NAALADL2: variants seen among roughly 807,000 people sequenced by gnomAD.
NAALADL2 encodes inactive N-acetylated-alpha-linked acidic dipeptidase-like protein 2.
A neutral mutation model predicts 87.2 loss-of-function variants in NAALADL2; 76 were observed. The observed-to-expected ratio is 0.87, with a 90% confidence interval of 0.72 to 1.05. NAALADL2 has a LOEUF of 1.05. NAALADL2 is among the 50% of genes least tolerant of loss of function. The pLI is 0.00. For missense variants in NAALADL2, 1,089 were observed against 945.8 expected (o/e 1.15, Z -1.99); for synonymous variants, 354 against 331.0 (o/e 1.07, Z -0.75).
At chr3:175,761,429 G>A (rs62286125) in intron 13 of NAALADL2, among the ~76,000 whole-genome samples, 15,566 of 152,160 alleles carry the variant, frequency 0.1, 817 homozygotes, top group African/African-American at 0.15. Context: ...TTGCTTTCAA[G>A]TTTTGGCAGT....
chr3:175,524,581 T>C (rs1733127290), intron 9 of NAALADL2, among the ~76,000 whole-genome samples: 1 of 152,148 alleles, frequency 6.6e-6, no homozygotes, highest in Non-Finnish European at 1.5e-5. Context: ...AATTCTGTAA[T>C]ATCAACACCA....
At chr3:175,727,608 T>G (rs1431717774) in intron 11 of NAALADL2, among the ~76,000 whole-genome samples, 1 of 152,342 alleles carries the variant, frequency 6.6e-6, no homozygotes, top group African/African-American at 2.4e-5. Context: ...TAGTCTTCAT[T>G]TGAGACTACC....
chr3:174,563,999 G>A (rs1017589346), intron 2 of NAALADL2, among the ~76,000 whole-genome samples: 6 of 152,226 alleles, frequency 3.9e-5, no homozygotes, highest in Admixed American at 3.9e-4. Context: ...TCTGTCTAAA[G>A]CACAGGGAAA....
intron 11 of NAALADL2, among the ~76,000 whole-genome samples, chr3:175,672,388 C>T (rs1734120558): frequency 6.6e-6 from 1 of 152,084 alleles, no homozygotes; most frequent in African/African-American, 2.4e-5. Context: ...ATCCTCTTAT[C>T]CTGTGGATGC....
chr3:175,348,656 G>A (rs545228870), intron 5 of NAALADL2, among the ~76,000 whole-genome samples: 1 of 152,194 alleles, frequency 6.6e-6, no homozygotes, highest in South Asian at 2.1e-4. Context: ...TCTCCCCATG[G>A]CTGTGTTCCT....
intron 3 of NAALADL2, among the ~76,000 whole-genome samples, chr3:174,817,206 A>G (rs924052438): frequency 1.3e-5 from 2 of 152,210 alleles, no homozygotes; most frequent in Non-Finnish European, 2.9e-5. Context: ...CACAATCTTA[A>G]TAATGTCTTT....
chr3:175,155,667 A>G (rs1417822419), intron 2 of NAALADL2, among the ~76,000 whole-genome samples: 1 of 152,122 alleles, frequency 6.6e-6, no homozygotes, highest in Non-Finnish European at 1.5e-5. Flanking sequence ...GTTTTAATAA[A>G]TAGTTTATAT....
At chr3:175,307,354 C>G (rs2110273075) in intron 4 of NAALADL2, among the ~76,000 whole-genome samples, 1 of 152,182 alleles carries the variant, frequency 6.6e-6, no homozygotes, top group East Asian at 1.9e-4. Flanking sequence ...AATAGTATTT[C>G]TATACCTGTT....
chr3:174,759,420 G>C (rs934279575), intron 3 of NAALADL2, among the ~76,000 whole-genome samples: 2 of 152,072 alleles, frequency 1.3e-5, no homozygotes, highest in African/African-American at 2.4e-5. Context: ...ATTTGAACAT[G>C]GTGCATTGCC....
chr3:175,647,436 A>T (rs914025406), intron 11 of NAALADL2, among the ~76,000 whole-genome samples: 2 of 152,156 alleles, frequency 1.3e-5, no homozygotes, highest in Non-Finnish European at 2.9e-5. Flanking sequence ...ATATAGAAGC[A>T]TATAATCTTC....
chr3:175,693,498 T>C (rs988498473), intron 11 of NAALADL2, among the ~76,000 whole-genome samples: 1 of 152,146 alleles, frequency 6.6e-6, no homozygotes, highest in Non-Finnish European at 1.5e-5. Context: ...TCTCTTTAGG[T>C]AAAGTTAAAT....
chr3:174,613,615 G>A (rs1355642119), intron 2 of NAALADL2, among the ~76,000 whole-genome samples: 2 of 152,178 alleles, frequency 1.3e-5, no homozygotes, highest in African/African-American at 4.8e-5. Context: ...GTTCCCTGAA[G>A]TCCCTGGGGC....
At chr3:174,788,516 T>C (rs1418694286) in intron 3 of NAALADL2, among the ~76,000 whole-genome samples, 1 of 152,184 alleles carries the variant, frequency 6.6e-6, no homozygotes, top group African/African-American at 2.4e-5. Context: ...CTTCTTGCTG[T>C]GTCCTCACAT....
At chr3:174,499,159 C>A (rs1202792572) in intron 1 of NAALADL2, among the ~76,000 whole-genome samples, 1 of 152,046 alleles carries the variant, frequency 6.6e-6, no homozygotes, top group Non-Finnish European at 1.5e-5. Flanking sequence ...TAGGCATTCA[C>A]TGAGGATCTT....
chr3:175,316,782 T>C (rs1352831830), intron 4 of NAALADL2, among the ~76,000 whole-genome samples: 1 of 152,208 alleles, frequency 6.6e-6, no homozygotes, highest in Non-Finnish European at 1.5e-5. Flanking sequence ...CTCAGCATGT[T>C]CAAAATGTAG....
intron 2 of NAALADL2, among the ~76,000 whole-genome samples, chr3:175,147,304 A>G (rs573365724): frequency 1.1e-4 from 16 of 151,954 alleles, no homozygotes; most frequent in South Asian, 2.1e-4. Context: ...TCCATACCCA[A>G]TATTTAGCTC....
intron 10 of NAALADL2, among the ~76,000 whole-genome samples, chr3:175,622,577 A>T (rs1027173554): frequency 1.3e-5 from 2 of 152,072 alleles, no homozygotes; most frequent in African/African-American, 2.4e-5. Context: ...GACGACGAAG[A>T]TGTGAATTCC....
chr3:174,871,312 TAGTC>T (rs1452161788), intron 1 of NAALADL2, among the ~76,000 whole-genome samples: 3 of 152,224 alleles, frequency 2.0e-5, no homozygotes, highest in Non-Finnish European at 4.4e-5. Context: ...AACTTTGACT[TAGTC>T]AATAATTCTA....
intron 3 of NAALADL2, among the ~76,000 whole-genome samples, chr3:174,761,252 T>G (rs1036458904): frequency 6.6e-6 from 1 of 152,220 alleles, no homozygotes; most frequent in African/African-American, 2.4e-5. Flanking sequence ...GCAATTTTCA[T>G]GGAACCCCTA....
Sources: gnomAD v4.1 joint callset for allele counts (sites outside exome capture counted in the v4.1 genomes callset) on GRCh38, gnomAD v4.1.1 for gene constraint, MANE v1.5 for transcripts, NCBI Gene and HGNC (gene_info 2026-07-23, HGNC 2026-07-21) for gene names.